The following RBM19 variants were observed in gnomAD, a reference collection of about 807,000 sequenced individuals.
RBM19 encodes probable RNA-binding protein 19.
RBM19 carries 94 observed loss-of-function variants against 116.8 expected under a neutral mutation model. That is an observed-to-expected ratio of 0.80 (90% CI 0.68 to 0.95). RBM19 has a LOEUF of 0.95. Ranked by LOEUF, RBM19 falls within the 40% of genes least tolerant of loss-of-function variation. The probability of loss-of-function intolerance (pLI) is 0.00; values close to 1 mark genes in which losing one functional copy is unlikely to be tolerated. For missense variants in RBM19, 1,161 were observed against 1,220.7 expected, an observed-to-expected ratio of 0.95 and a Z score of 0.73; for synonymous variants, 475 against 494.1, an observed-to-expected ratio of 0.96 and a Z score of 0.51.
chr12:113,954,982 G>A (rs1302705156), intron 7 of RBM19, 149 bp downstream of exon 7: 1 of 720,862 alleles, frequency 1.4e-6, no homozygotes, highest in East Asian at 2.6e-5. Context: ...TGCCGGAGAT[G>A]TTATTTCTCA....
At position 113,915,096 on chromosome 12, in the gene RBM19, G is replaced by T. The variant is rs528508489; in HGVS notation, c.2442-11C>A. The T allele has an allele frequency of 8.7e-6, 14 of 1,605,956 alleles. No individual in the cohort carries two copies. The highest frequency in any genetic ancestry group is 4.5e-5 in the East Asian group (2 of 44,820). ...AATGTCACGGCTGGCCTGGAGTGGTGGGGGGAGAGGGTCCAAGTTATTCGG... is the reference window on the plus strand; with the variant it reads ...AATGTCACGGCTGGCCTGGAGTGGTTGGGGGAGAGGGTCCAAGTTATTCGG... On this transcript the variant is annotated splice_polypyrimidine_tract_variant and intron_variant, in intron 20 of 23. Coordinates refer to ENST00000261741, the MANE Select transcript of RBM19 (RefSeq NM_016196.4).
rs1881836566 is a variant in RBM19, at chr12:113,903,416, A to G, written c.2558+11553T>C. 1.3e-5 allele frequency among the ~76,000 whole-genome samples: 2 copies of G among 152,224 alleles called. No homozygotes were observed. On this transcript the variant is annotated intron_variant, in intron 21 of 23. Transcript: ENST00000261741. The surrounding 1 kb of genome is among the most constrained non-coding windows in gnomAD (Gnocchi z 5.1). ...ACCCCATTTTGTTTATCCACTCATC[A>G]GCTGACAGACATCTGTTTTTGTGTG... is the stretch of plus-strand genomic sequence containing the variant.
intron 21 of RBM19, among the ~76,000 whole-genome samples, chr12:113,909,358 G>T (rs1454967181): frequency 6.7e-6 from 1 of 149,484 alleles, no homozygotes. Context: ...TAGCTTCAAA[G>T]GATCCTCCTG....
At chr12:113,946,272 G>A (rs1871009907) in intron 12 of RBM19, 82 bp downstream of exon 12, 17 of 1,586,646 alleles carry the variant, frequency 1.1e-5, no homozygotes, top group Non-Finnish European at 1.3e-5. Context: ...GGAGTCAGAA[G>A]ACCCAGGTGG....
intron 22 of RBM19, among the ~76,000 whole-genome samples, chr12:113,848,833 C>A (rs1259040082): frequency 6.6e-6 from 1 of 152,214 alleles, no homozygotes; most frequent in African/African-American, 2.4e-5. Flanking sequence ...TGAGGAGTTA[C>A]TGCACCTTTG....
chr12:113,849,583 T>G (rs890525096), intron 22 of RBM19, among the ~76,000 whole-genome samples: 7 of 152,236 alleles, frequency 4.6e-5, no homozygotes, highest in African/African-American at 1.7e-4. Flanking sequence ...TGGGTCTGGC[T>G]CTGCTCCCAA....
At chr12:113,857,509 C>T (rs536069969) in intron 22 of RBM19, among the ~76,000 whole-genome samples, 7 of 152,374 alleles carry the variant, frequency 4.6e-5, no homozygotes, top group East Asian at 1.9e-4. Context: ...CAACACAGGG[C>T]ACCACGTGCC....
chr12:113,848,177 G>A (rs1877146415), intron 22 of RBM19, among the ~76,000 whole-genome samples: 1 of 152,236 alleles, frequency 6.6e-6, no homozygotes, highest in South Asian at 2.1e-4. Flanking sequence ...CATAACATGT[G>A]TCACTTAAGA....
chr12:113,831,537 TCTC>T (rs1875410352), intron 23 of RBM19, among the ~76,000 whole-genome samples: 1 of 152,062 alleles, frequency 6.6e-6, no homozygotes, highest in Non-Finnish European at 1.5e-5. Context: ...GCTCTGAAAT[TCTC>T]CTTCTGTCAG....
At chr12:113,912,153 C>T (rs997617693) in intron 21 of RBM19, among the ~76,000 whole-genome samples, 4 of 152,202 alleles carry the variant, frequency 2.6e-5, no homozygotes, top group East Asian at 1.9e-4. Context: ...GGGCCCCAGG[C>T]ACTGCTGCCT....
chr12:113,843,772 C>G (rs1007146477), intron 23 of RBM19, among the ~76,000 whole-genome samples: 1 of 152,172 alleles, frequency 6.6e-6, no homozygotes, highest in African/African-American at 2.4e-5. Context: ...TTGGGGCTGT[C>G]TCACCCTCTC....
At chr12:113,959,170 A>G (rs1300539148) in intron 5 of RBM19, 42 bp downstream of exon 5, 1 of 1,575,948 alleles carries the variant, frequency 6.3e-7, no homozygotes, top group Non-Finnish European at 8.7e-7. Flanking sequence ...AATGGCAAGC[A>G]CAGGTCCGTG....
chr12:113,945,929 G>C lies in RBM19; in HGVS notation c.1530-5C>G, dbSNP rs754791853. The C allele has an allele frequency of 4.0e-5, 62 of 1,547,708 alleles. 1 individual carries two copies. The South Asian group carries it at 6.5e-4, about 16-fold the overall frequency. ...AGTGTGTTCCAGTTGTGAGAGCTAA[G>C]AGGCAGAGGCAGAACAGGGAGATCA... On this transcript the variant is annotated splice_polypyrimidine_tract_variant and splice_region_variant and intron_variant, in intron 12 of 23. Transcript: ENST00000261741.
intron 22 of RBM19, among the ~76,000 whole-genome samples, chr12:113,851,458 G>T (rs920119953): frequency 4.6e-5 from 7 of 152,184 alleles, no homozygotes; most frequent in Non-Finnish European, 2.9e-5. Context: ...TAGGGAGAGA[G>T]GGCCAATGCC....
At chr12:113,935,073 A>T (rs1869930174) in intron 16 of RBM19, among the ~76,000 whole-genome samples, 1 of 152,180 alleles carries the variant, frequency 6.6e-6, no homozygotes, top group African/African-American at 2.4e-5. Context: ...AAACAGAATA[A>T]ATAGAAATTG....
intron 19 of RBM19, 132 bp downstream of exon 19, chr12:113,920,479 A>T (rs1203361679): frequency 1.5e-5 from 12 of 821,786 alleles, no homozygotes; most frequent in Non-Finnish European, 2.4e-5. Context: ...TCCCGTAGAG[A>T]TCTGGGAAAA....
At chr12:113,900,409 T>G (rs1881614622) in intron 21 of RBM19, among the ~76,000 whole-genome samples, 1 of 152,110 alleles carries the variant, frequency 6.6e-6, no homozygotes, top group African/African-American at 2.4e-5. Flanking sequence ...TCAATTTCGG[T>G]GCCATTTTCC....
chr12:113,826,803 C>T (rs1244179240), intron 23 of RBM19, among the ~76,000 whole-genome samples: 2 of 152,228 alleles, frequency 1.3e-5, no homozygotes, highest in African/African-American at 4.8e-5. Flanking sequence ...GTGTTGACTT[C>T]GTGTCTCTCT....
chr12:113,897,191 T>TA (rs1306104717), intron 21 of RBM19, among the ~76,000 whole-genome samples: 4 of 152,206 alleles, frequency 2.6e-5, no homozygotes, highest in Admixed American at 6.5e-5. Flanking sequence ...TTTTTTGAGA[T>TA]AGAGTCTCGC....
Sources: gnomAD v4.1 joint callset for allele counts (sites outside exome capture counted in the v4.1 genomes callset) on GRCh38, gnomAD v4.1.1 for gene constraint, Gnocchi (gnomAD v3.1) non-coding constraint, MANE v1.5 for transcripts, NCBI Gene and HGNC (gene_info 2026-07-23, HGNC 2026-07-21) for gene names.